CCDC170: variants seen among roughly 807,000 people sequenced by gnomAD.
The protein encoded by CCDC170 is coiled-coil domain-containing protein 170.
A neutral mutation model predicts 72.6 loss-of-function variants in CCDC170; 69 were observed. The ratio of observed to expected loss-of-function variants is 0.95; its 90% CI spans 0.78 to 1.16. The LOEUF (loss-of-function observed/expected upper bound fraction) is 1.16, where lower values mean the gene tolerates loss of function less well. Ranked by LOEUF, CCDC170 falls within the 50% of genes most tolerant of loss-of-function variation. The pLI, the probability that CCDC170 is intolerant of heterozygous loss-of-function variation, is 0.00. For synonymous variants in CCDC170, 300 were observed against 303.9 expected, an observed-to-expected ratio of 0.99 and a Z score of 0.13; for missense variants, 852 against 832.5, an observed-to-expected ratio of 1.02 and a Z score of -0.29.
At chr6:151,616,618 T>A (rs1776972337) in intron 10 of CCDC170, among the ~76,000 whole-genome samples, 1 of 152,114 alleles carries the variant, frequency 6.6e-6, no homozygotes, top group Non-Finnish European at 1.5e-5. Flanking sequence ...TGAGAGAAAC[T>A]TTTTCATCAG....
At chr6:151,521,417 A>T (rs758185833) in intron 1 of CCDC170, among the ~76,000 whole-genome samples, 1 of 150,336 alleles carries the variant, frequency 6.7e-6, no homozygotes, top group Non-Finnish European at 1.5e-5. Context: ...AAATAATAAA[A>T]ATCTAATTGT....
chr6:151,555,769 A>G (rs2115066373), intron 5 of CCDC170, among the ~76,000 whole-genome samples: 1 of 152,308 alleles, frequency 6.6e-6, no homozygotes, highest in Non-Finnish European at 1.5e-5. Context: ...CACCCTTCAA[A>G]TGGTTAAGGA....
intron 1 of CCDC170, among the ~76,000 whole-genome samples, chr6:151,532,475 C>T (rs1224593404): frequency 6.6e-6 from 1 of 151,910 alleles, no homozygotes; most frequent in Non-Finnish European, 1.5e-5. Flanking sequence ...GGTGTCATAG[C>T]ACATGCCTGT....
intron 1 of CCDC170, among the ~76,000 whole-genome samples, chr6:151,497,403 AAG>A (rs1233887947): frequency 6.6e-6 from 1 of 152,240 alleles, no homozygotes; most frequent in African/African-American, 2.4e-5. Context: ...AAAATTAAAA[AAG>A]AGTTTACAAT....
At chr6:151,578,066 T>C (rs1215525773) in intron 6 of CCDC170, among the ~76,000 whole-genome samples, 1 of 152,126 alleles carries the variant, frequency 6.6e-6, no homozygotes, top group Non-Finnish European at 1.5e-5. Flanking sequence ...TGCCACCTAC[T>C]AAAGTGAGCA....
At chr6:151,561,045 T>C (rs1783069260) in intron 5 of CCDC170, among the ~76,000 whole-genome samples, 2 of 152,064 alleles carry the variant, frequency 1.3e-5, no homozygotes, top group Non-Finnish European at 1.5e-5. Flanking sequence ...GTAAAAATTA[T>C]TTTAATTTTT....
chr6:151,517,610 C>T (rs1463151247), intron 1 of CCDC170, among the ~76,000 whole-genome samples: 76 of 150,690 alleles, frequency 5.0e-4, no homozygotes, highest in Non-Finnish European at 1.0e-3. Flanking sequence ...TTTTTTTTTT[C>T]TTTTTGTATT....
intron 5 of CCDC170, among the ~76,000 whole-genome samples, chr6:151,557,586 AT>A (rs932875607): frequency 2.6e-5 from 4 of 152,070 alleles, no homozygotes; most frequent in African/African-American, 9.6e-5. Flanking sequence ...TGGTATTTAC[AT>A]TTTTAGTTTT....
intron 6 of CCDC170, 35 bp from the exon 7 acceptor site, chr6:151,585,854 C>T (rs1433802025): frequency 7.5e-6 from 12 of 1,599,488 alleles, no homozygotes; most frequent in Non-Finnish European, 9.4e-6. Flanking sequence ...GCATCTGAAA[C>T]AAGGCTTATT....
intron 9 of CCDC170, among the ~76,000 whole-genome samples, chr6:151,597,156 G>A (rs947324676): frequency 3.3e-5 from 5 of 151,030 alleles, no homozygotes; most frequent in African/African-American, 7.3e-5. Context: ...ACTGAGTCTC[G>A]CTCTGTTGTC....
At chr6:151,576,405 A>AT (rs60823161) in intron 6 of CCDC170, among the ~76,000 whole-genome samples, 3,127 of 142,216 alleles carry the variant, frequency 0.022, 71 homozygotes, top group African/African-American at 0.056. Flanking sequence ...TCAATAGCTA[A>AT]TTTTTTTTTT....
chr6:151,603,315 T>G (rs1016891949), intron 9 of CCDC170, among the ~76,000 whole-genome samples: 2 of 152,212 alleles, frequency 1.3e-5, no homozygotes, highest in Admixed American at 1.3e-4. Context: ...TAGGAGTTAT[T>G]GTACCATGTG....
intron 5 of CCDC170, among the ~76,000 whole-genome samples, chr6:151,550,684 C>T (rs931024688): frequency 2.0e-5 from 3 of 152,040 alleles, no homozygotes; most frequent in African/African-American, 7.2e-5. Context: ...ATCTGGAGGC[C>T]GGGAAATCCA....
At chr6:151,560,906 T>C (rs1350621062) in intron 5 of CCDC170, among the ~76,000 whole-genome samples, 2 of 152,132 alleles carry the variant, frequency 1.3e-5, no homozygotes, top group East Asian at 3.8e-4. Flanking sequence ...TGCTTTTTAA[T>C]CCAATTTACC....
chr6:151,497,232 A>G (rs1367440314), intron 1 of CCDC170, among the ~76,000 whole-genome samples: 1 of 152,168 alleles, frequency 6.6e-6, no homozygotes, highest in African/African-American at 2.4e-5. Context: ...TCTACAAAAA[A>G]CACAAAAAGT....
In CCDC170 at chr6:151,530,378, A is replaced by T. The variant is rs6922860; in HGVS notation, c.58-5940A>T. 2.8e-3 allele frequency among the ~76,000 whole-genome samples: 425 copies of T among 151,154 alleles called. 1 individual carries two copies. Among genetic ancestry groups the T allele is most frequent in the African/African-American group, 9.2e-3 (380 of 41,342 alleles). On this transcript the variant is annotated intron_variant, in intron 1 of 10. Transcript: ENST00000239374. ...TGTACCAGTTTATCTTTATTTGAGC[A>T]GTGTATTAGCATGTCTTTCTTATAG...
intron 6 of CCDC170, among the ~76,000 whole-genome samples, chr6:151,583,657 C>T (rs1358560566): frequency 6.6e-6 from 1 of 152,028 alleles, no homozygotes; most frequent in Non-Finnish European, 1.5e-5. Context: ...GGGGTTTCGC[C>T]ATGTTGGCCA....
chr6:151,616,661 C>G (rs1186027324), intron 10 of CCDC170, among the ~76,000 whole-genome samples: 6 of 152,154 alleles, frequency 3.9e-5, no homozygotes, highest in Non-Finnish European at 8.8e-5. Flanking sequence ...TCCTTTCAGG[C>G]TGCTGTAACA....
intron 1 of CCDC170, among the ~76,000 whole-genome samples, chr6:151,535,382 A>G (rs1363643856): frequency 1.3e-5 from 2 of 152,232 alleles, no homozygotes; most frequent in East Asian, 1.9e-4. Flanking sequence ...TGACACTGCC[A>G]TCTCTCGTCT....
Sources: allele counts gnomAD v4.1 joint callset (sites outside exome capture counted in the v4.1 genomes callset), GRCh38; gene constraint gnomAD v4.1.1; transcripts MANE v1.5; gene names NCBI Gene and HGNC (gene_info 2026-07-23, HGNC 2026-07-21).